NCALD: variants seen among roughly 807,000 people sequenced by gnomAD.
NCALD encodes the protein neurocalcin-delta.
NCALD carries 10 observed loss-of-function variants against 18.6 expected under a neutral mutation model. The observed-to-expected ratio is 0.54, with a 90% CI of 0.33 to 0.91. NCALD has a LOEUF of 0.91. Ranked by LOEUF, NCALD falls within the 40% of genes least tolerant of loss-of-function variation. NCALD has a pLI of 0.03. For missense variants in NCALD, 184 were observed against 247.6 expected, an observed-to-expected ratio of 0.74 and a Z score of 1.72; for synonymous variants, 88 against 87.4, an observed-to-expected ratio of 1.01 and a Z score of -0.04.
chr8:101,760,759 G>A (rs1811078565), intron 1 of NCALD, among the ~76,000 whole-genome samples: 1 of 152,132 alleles, frequency 6.6e-6, no homozygotes, highest in Admixed American at 6.5e-5. Context: ...AATAGTTAAT[G>A]AAGTTAAGTC....
At position 101,706,178 on chromosome 8, in the gene NCALD, A is replaced by C. The variant is rs186465167; in HGVS notation, c.378+13074T>G. On this transcript the variant is annotated intron_variant, in intron 2 of 3. Coordinates refer to ENST00000220931, the MANE Select transcript of NCALD (RefSeq NM_032041.3). ...TTGAAATGAGACAGTGGCAGAAGGA[A>C]TGCACAGGAATGAAAAGGTTAAAAA... 3.4e-3 allele frequency among the ~76,000 whole-genome samples: 511 copies of C among 152,354 alleles called. 5 individuals are homozygous for C. The highest frequency in any genetic ancestry group is 4.5e-3 in the Non-Finnish European group (304 of 68,028).
At chr8:102,075,899 C>T (rs913867294) in intron 1 of NCALD, among the ~76,000 whole-genome samples, 5 of 151,682 alleles carry the variant, frequency 3.3e-5, no homozygotes, top group Non-Finnish European at 5.9e-5. Flanking sequence ...TTGCAGTAAG[C>T]CGAGATTCCA....
At chr8:101,865,725 G>C (rs531143916) in intron 4 of NCALD, among the ~76,000 whole-genome samples, 2 of 152,130 alleles carry the variant, frequency 1.3e-5, no homozygotes, top group Admixed American at 1.3e-4. Flanking sequence ...CTGGATCCTG[G>C]TGTAACTGAA....
chr8:101,876,541 T>G (rs1018739199), intron 4 of NCALD, among the ~76,000 whole-genome samples: 1 of 152,236 alleles, frequency 6.6e-6, no homozygotes, highest in African/African-American at 2.4e-5. Flanking sequence ...ACCTGAAGCC[T>G]AATTTCCTTT....
At chr8:101,791,602 C>G (rs1321460579), upstream of NCALD, among the ~76,000 whole-genome samples, 1 of 152,158 alleles carries the variant, frequency 6.6e-6, no homozygotes, top group African/African-American at 2.4e-5. Flanking sequence ...TCTAATGATC[C>G]TGACACCAAG....
chr8:101,961,346 C>A (rs145929303), intron 2 of NCALD, among the ~76,000 whole-genome samples: 27 of 152,210 alleles, frequency 1.8e-4, no homozygotes, highest in African/African-American at 6.3e-4. Context: ...TTTGGGCAAG[C>A]CATAAAATTC....
chr8:101,730,765 G>A (rs1379725080), intron 1 of NCALD, among the ~76,000 whole-genome samples: 1 of 152,086 alleles, frequency 6.6e-6, no homozygotes, highest in African/African-American at 2.4e-5. Flanking sequence ...TTATTCACTT[G>A]GTCATGGTTC....
chr8:101,704,140 T>A (rs1053125198), intron 2 of NCALD, among the ~76,000 whole-genome samples: 1 of 152,170 alleles, frequency 6.6e-6, no homozygotes, highest in African/African-American at 2.4e-5. Flanking sequence ...AAGTTCAAAC[T>A]GTTTCCAAGT....
intron 2 of NCALD, among the ~76,000 whole-genome samples, chr8:102,019,645 A>G (rs538403028): frequency 2.6e-5 from 4 of 152,318 alleles, no homozygotes; most frequent in Non-Finnish European, 5.9e-5. Flanking sequence ...GGAATATCGC[A>G]GAAAGATTTT....
chr8:101,959,919 C>T (rs1193785835), intron 2 of NCALD, among the ~76,000 whole-genome samples: 2 of 122,660 alleles, frequency 1.6e-5, no homozygotes, highest in Non-Finnish European at 3.2e-5. Flanking sequence ...TAGGATTGTA[C>T]AGACACCTCT....
At chr8:102,013,801 C>G (rs568399335) in intron 2 of NCALD, among the ~76,000 whole-genome samples, 2 of 152,270 alleles carry the variant, frequency 1.3e-5, no homozygotes, top group South Asian at 4.1e-4. Context: ...ATCCAGAAAT[C>G]ACGGCTAGCA....
chr8:101,910,583 T>C (rs1817760548), intron 3 of NCALD, among the ~76,000 whole-genome samples: 1 of 152,188 alleles, frequency 6.6e-6, no homozygotes, highest in Non-Finnish European at 1.5e-5. Context: ...TAGGATGATC[T>C]AGAAACAAAA....
intron 1 of NCALD, among the ~76,000 whole-genome samples, chr8:102,057,943 A>C (rs796553584): frequency 1.8e-4 from 28 of 152,374 alleles, no homozygotes; most frequent in African/African-American, 5.8e-4. Context: ...TGTAGGTTAC[A>C]GTCAATTTAA....
chr8:101,977,080 A>G (rs949943035), intron 2 of NCALD, among the ~76,000 whole-genome samples: 1 of 152,096 alleles, frequency 6.6e-6, no homozygotes, highest in East Asian at 1.9e-4. Flanking sequence ...AAAGAGAAAC[A>G]AAGACATTAA....
intron 2 of NCALD, among the ~76,000 whole-genome samples, chr8:101,945,969 G>T (rs2131781869): frequency 6.6e-6 from 1 of 152,290 alleles, no homozygotes; most frequent in African/African-American, 2.4e-5. Flanking sequence ...CCTCATCTAT[G>T]ATTGTCTCCT....
At chr8:101,732,762 C>G (rs57056413) in intron 1 of NCALD, among the ~76,000 whole-genome samples, 1,764 of 151,934 alleles carry the variant, frequency 0.012, 35 homozygotes, top group African/African-American at 0.04. Context: ...CGCCGCCACA[C>G]CCGGCTAATT....
chr8:102,034,048 G>A (rs7823621), intron 1 of NCALD, among the ~76,000 whole-genome samples: 3,332 of 129,106 alleles, frequency 0.026, 121 homozygotes, highest in African/African-American at 0.096. Context: ...ACACACACAC[G>A]CAGCTTTGTG....
chr8:101,921,188 C>T (rs1417937740), intron 2 of NCALD, among the ~76,000 whole-genome samples: 1 of 150,608 alleles, frequency 6.6e-6, no homozygotes, highest in Non-Finnish European at 1.5e-5. Flanking sequence ...CCAGTCTAAA[C>T]AATCTAATTA....
chr8:101,836,189 T>C (rs1463470145), intron 4 of NCALD, among the ~76,000 whole-genome samples: 1 of 152,140 alleles, frequency 6.6e-6, no homozygotes, highest in African/African-American at 2.4e-5. Flanking sequence ...TTAGCCCATT[T>C]CTCTCTTGGC....
Sources: allele counts gnomAD v4.1 joint callset (sites outside exome capture counted in the v4.1 genomes callset), GRCh38; gene constraint gnomAD v4.1.1; transcripts MANE v1.5; gene names NCBI Gene and HGNC (gene_info 2026-07-23, HGNC 2026-07-21).